MAP3K13: variants seen among roughly 807,000 people sequenced by gnomAD.
MAP3K13 encodes the protein leucine zipper-bearing kinase.
A neutral mutation model predicts 104.0 loss-of-function variants in MAP3K13; 52 were observed. The observed-to-expected ratio is 0.50, with a 90% CI of 0.40 to 0.63. The LOEUF (loss-of-function observed/expected upper bound fraction) is 0.63, where lower values mean the gene tolerates loss of function less well. Ranked by LOEUF, MAP3K13 falls within the 20% of genes least tolerant of loss-of-function variation. The pLI is 0.00. For synonymous variants in MAP3K13, 394 were observed against 442.2 expected, an observed-to-expected ratio of 0.89 and a Z score of 1.37; for missense variants, 914 against 1,218.5, an observed-to-expected ratio of 0.75 and a Z score of 3.72.
At chr3:185,309,204 C>T (rs1169847938) in intron 2 of MAP3K13, among the ~76,000 whole-genome samples, 1 of 152,084 alleles carries the variant, frequency 6.6e-6, no homozygotes, top group Non-Finnish European at 1.5e-5. Context: ...CAATAACTTC[C>T]ACCACTGCTC....
intron 10 of MAP3K13, among the ~76,000 whole-genome samples, chr3:185,472,315 C>T (rs569451452): frequency 2.7e-5 from 4 of 150,458 alleles, no homozygotes; most frequent in South Asian, 2.1e-4. Context: ...CAGGTTCAAG[C>T]GATTCTCCTG....
At chr3:185,358,153 T>A (rs1723444892), upstream of MAP3K13, among the ~76,000 whole-genome samples, 2 of 152,208 alleles carry the variant, frequency 1.3e-5, no homozygotes, top group African/African-American at 4.8e-5. Flanking sequence ...AAAGCAAGTA[T>A]GCATGTAAAT....
In MAP3K13 at chr3:185,473,768, T is replaced by C. The variant is rs1717950803; in HGVS notation, c.2430+7T>C. On this transcript the variant is annotated splice_region_variant and intron_variant, in intron 11 of 13. Transcript: ENST00000265026. The surrounding 1 kb of genome is among the most constrained non-coding windows in gnomAD (Gnocchi z 4.9). ...AACAAGGCCTCTGCAGAAGGTAAAG[T>C]GTAATGATGAGAGTGGCCTGCGTCA... The C allele has an allele frequency of 1.2e-6, 2 of 1,608,682 alleles. No homozygotes were observed. Among genetic ancestry groups the C allele is most frequent in the Middle Eastern group, 1.7e-4 (1 of 6,022 alleles).
chr3:185,467,103 A>G (rs2148918048), intron 10 of MAP3K13, 140 bp downstream of exon 10: 1 of 886,772 alleles, frequency 1.1e-6, no homozygotes, highest in East Asian at 2.6e-5. Context: ...TAGGTAAAAC[A>G]GAGTAAGAAG....
In MAP3K13 at chr3:185,318,994, C is replaced by T. The variant is rs546457664; in HGVS notation, c.-86+33351C>T. Among the ~76,000 whole-genome samples the T allele has an allele frequency of 2.6e-5, 4 of 152,212 alleles. No individual in the cohort carries two copies. The East Asian group carries it at 5.8e-4, about 22-fold the overall frequency. On this transcript the variant is annotated intron_variant, in intron 2 of 14. Transcript: ENST00000424227. ...AGTTTTAAATTTTGTGTTAATAATT[C>T]TCTTGCGGTTCTCAATGGTTTTATC...
intron 1 of MAP3K13, among the ~76,000 whole-genome samples, chr3:185,386,428 A>G (rs1401324570): frequency 6.6e-6 from 1 of 152,178 alleles, no homozygotes. Context: ...CTGGCAAGGT[A>G]GTGGAGAAAA....
chr3:185,467,513 G>A (rs1717515365), intron 10 of MAP3K13, among the ~76,000 whole-genome samples: 2 of 152,100 alleles, frequency 1.3e-5, no homozygotes, highest in Admixed American at 6.5e-5. Flanking sequence ...GACTGGGTGC[G>A]GTGGCTCACG....
intron 7 of MAP3K13, among the ~76,000 whole-genome samples, chr3:185,462,722 G>A (rs35528913): frequency 0.59 from 89,248 of 152,112 alleles, 26,369 homozygotes; most frequent in East Asian, 0.7. Flanking sequence ...GCAGTGAGCC[G>A]ATATCACGCC....
intron 1 of MAP3K13, among the ~76,000 whole-genome samples, chr3:185,370,120 T>C (rs955798943): frequency 6.6e-6 from 1 of 152,216 alleles, no homozygotes; most frequent in Non-Finnish European, 1.5e-5. Flanking sequence ...ATTAACAACA[T>C]TAAATAAGCA....
At chr3:185,283,090 G>T (rs979777956) in intron 1 of MAP3K13, 43 of 152,630 alleles carry the variant, frequency 2.8e-4, no homozygotes, top group Non-Finnish European at 5.8e-5. Context: ...GGCCTAGATC[G>T]CTCGGGGCCC....
intron 2 of MAP3K13, among the ~76,000 whole-genome samples, chr3:185,317,036 G>T (rs1721702662): frequency 6.6e-6 from 1 of 152,150 alleles, no homozygotes; most frequent in Non-Finnish European, 1.5e-5. Flanking sequence ...TTAAAAAGCA[G>T]TGCTTCCTTT....
chr3:185,312,332 G>T (rs941755193), intron 2 of MAP3K13, among the ~76,000 whole-genome samples: 5 of 152,222 alleles, frequency 3.3e-5, no homozygotes, highest in African/African-American at 1.2e-4. Flanking sequence ...TTCCAATTTT[G>T]TTTCTTTGGC....
At chr3:185,286,608 C>T (rs180724760) in intron 2 of MAP3K13, among the ~76,000 whole-genome samples, 1 of 151,934 alleles carries the variant, frequency 6.6e-6, no homozygotes, top group Non-Finnish European at 1.5e-5. Context: ...AAAGTAGGTG[C>T]AGAGATGCAG....
chr3:185,478,036 G>A (rs1283667687), intron 12 of MAP3K13, among the ~76,000 whole-genome samples: 1 of 152,156 alleles, frequency 6.6e-6, no homozygotes, highest in Non-Finnish European at 1.5e-5. Context: ...TTATATTGGA[G>A]TTTAGAGCTT....
chr3:185,484,946 A>T lies in MAP3K13; in HGVS notation c.*2490A>T, dbSNP rs1255314167. ...CCCATTTGGGAGCTCCCTGGTATTG[A>T]TCTTAGCTGTGTTCCCTAATTTTCT... On this transcript the variant is annotated 3_prime_UTR_variant, in exon 14 of 14. Coordinates refer to ENST00000265026, the MANE Select transcript of MAP3K13 (RefSeq NM_004721.5). 6.6e-6 allele frequency: 1 copy of T among 152,108 alleles called. No individual in the cohort carries two copies. Among genetic ancestry groups the T allele is most frequent in the Non-Finnish European group, 1.5e-5 (1 of 68,032 alleles). The allele number at this position is 152,108 out of a possible 1,614,324, so 9.4% of individuals were successfully genotyped here.
rs1178096927 is a variant in MAP3K13, at chr3:185,464,689, A to C, written c.1388+1030A>C. On this transcript the variant is annotated intron_variant, in intron 8 of 13. Transcript: ENST00000265026. ...CAGTATTTCTTCTAGCAGTGTGAGA[A>C]CAGACTAAGACAATCACAGCTGAGT... is the stretch of plus-strand genomic sequence containing the variant. Among the ~76,000 whole-genome samples, 3 of 152,216 alleles carry C rather than the reference A, an allele frequency of 2.0e-5. No individual in the cohort carries two copies. In the South Asian group the frequency reaches 6.2e-4, roughly 32 times the overall value.
chr3:185,374,423 A>C (rs2108752693), intron 1 of MAP3K13, among the ~76,000 whole-genome samples: 1 of 152,216 alleles, frequency 6.6e-6, no homozygotes, highest in South Asian at 2.1e-4. Context: ...ATTTTGTGGT[A>C]AGGGGTGATA....
chr3:185,439,594 C>A (rs948998851), intron 3 of MAP3K13, among the ~76,000 whole-genome samples: 1 of 152,082 alleles, frequency 6.6e-6, no homozygotes, highest in African/African-American at 2.4e-5. Context: ...TGAGTATGGC[C>A]TTTTGGCCTC....
At chr3:185,364,023 T>C (rs1323813052) in intron 1 of MAP3K13, among the ~76,000 whole-genome samples, 1 of 152,248 alleles carries the variant, frequency 6.6e-6, no homozygotes, top group Non-Finnish European at 1.5e-5. Context: ...GGGGGAATTA[T>C]CCTTAAACTT....
Sources: gnomAD v4.1 joint callset for allele counts (sites outside exome capture counted in the v4.1 genomes callset) on GRCh38, gnomAD v4.1.1 for gene constraint, Gnocchi (gnomAD v3.1) non-coding constraint, MANE v1.5 for transcripts, NCBI Gene and HGNC (gene_info 2026-07-23, HGNC 2026-07-21) for gene names.